MINDY2: variants seen among roughly 807,000 people sequenced by gnomAD.
The protein encoded by MINDY2 is ubiquitin carboxyl-terminal hydrolase MINDY-2.
MINDY2 carries 52 observed loss-of-function variants against 68.2 expected under a neutral mutation model. The ratio of observed to expected loss-of-function variants is 0.76; its 90% CI spans 0.61 to 0.96. The LOEUF is 0.96. Ranked by LOEUF, MINDY2 falls within the 40% of genes least tolerant of loss-of-function variation. MINDY2 has a pLI of 0.00. For missense variants in MINDY2, 881 were observed against 773.4 expected (o/e 1.14, Z -1.65); for synonymous variants, 372 against 303.0 (o/e 1.23, Z -2.36).
intron 2 of MINDY2, among the ~76,000 whole-genome samples, chr15:58,795,027 T>A (rs1411315440): frequency 2.0e-5 from 3 of 151,686 alleles, no homozygotes; most frequent in African/African-American, 7.3e-5. Context: ...TACAAAAAAA[T>A]TAGCCGGGCG....
chr15:58,775,895 C>A (rs1360419418), intron 1 of MINDY2, among the ~76,000 whole-genome samples: 1 of 147,140 alleles, frequency 6.8e-6, no homozygotes, highest in Non-Finnish European at 1.5e-5. Context: ...GAGTCTCACT[C>A]TGTCTTGCCC....
chr15:58,817,746 A>T (rs2030790874), intron 4 of MINDY2: 1 of 152,154 alleles, frequency 6.6e-6, no homozygotes, highest in Admixed American at 6.6e-5. Flanking sequence ...AAAAAATAAA[A>T]GTTTGACAAT....
chr15:58,859,245 T>C lies in MINDY2; in HGVS notation c.*4635T>C, dbSNP rs2033149161. The C allele has an allele frequency of 6.6e-6, 1 of 152,128 alleles. No individual in the cohort carries two copies. The highest frequency in any genetic ancestry group is 1.5e-5 in the Non-Finnish European group (1 of 67,962). The allele number at this position is 152,128 out of a possible 1,614,324, so 9.4% of individuals were successfully genotyped here. On this transcript the variant is annotated 3_prime_UTR_variant, in exon 9 of 9. Transcript: ENST00000559228. ...AAGCATTTAAAAATCTATTTTTTTC[T>C]AGTATCTTTCACAGATCTAAATATT...
At position 58,771,825 on chromosome 15, in the gene MINDY2, A is replaced by G. The variant is rs1429780260; in HGVS notation, c.430A>G (p.Thr144Ala). Reference protein sequence around the residue: ...DLAGTCQAELTAAGSEEPSSA... With the variant: ...DLAGTCQAELAAAGSEEPSSA... ...CGCCGGCACCTGCCAAGCAGAACTG[A>G]CCGCCGCCGGCTCCGAAGAGCCCAG... The change falls in exon 1 of 9, where the codon ACC becomes GCC. Residue 144 changes from threonine to alanine, a missense_variant. Transcript: ENST00000559228. 4.4e-6 allele frequency: 7 copies of G among 1,608,594 alleles called. No individual in the cohort carries two copies. Among genetic ancestry groups the G allele is most frequent in the Non-Finnish European group, 5.9e-6 (7 of 1,178,092 alleles).
intron 6 of MINDY2, among the ~76,000 whole-genome samples, chr15:58,835,152 T>A (rs544051859): frequency 6.6e-6 from 1 of 152,348 alleles, no homozygotes; most frequent in South Asian, 2.1e-4. Context: ...GGTTTTTGCC[T>A]ATTAAGGACC....
chr15:58,785,700 A>T (rs1375005495), intron 1 of MINDY2, among the ~76,000 whole-genome samples: 1 of 152,118 alleles, frequency 6.6e-6, no homozygotes, highest in Non-Finnish European at 1.5e-5. Context: ...TTTTTTAAAC[A>T]GAGTCTCACT....
At chr15:58,834,363 C>G (rs1242159243) in intron 6 of MINDY2, among the ~76,000 whole-genome samples, 1 of 152,052 alleles carries the variant, frequency 6.6e-6, no homozygotes. Flanking sequence ...CCAATTTTAC[C>G]CATCCTTTAA....
intron 6 of MINDY2, among the ~76,000 whole-genome samples, chr15:58,835,862 T>C (rs1024893233): frequency 4.6e-5 from 7 of 152,110 alleles, no homozygotes; most frequent in African/African-American, 1.7e-4. Context: ...AAAGGCCAAA[T>C]AGATAGCCAG....
chr15:58,794,168 TA>T (rs1902118539), intron 2 of MINDY2, among the ~76,000 whole-genome samples: 1 of 152,016 alleles, frequency 6.6e-6, no homozygotes, highest in South Asian at 2.1e-4. Flanking sequence ...AGAGTGATTA[TA>T]ATTATGGGCC....
intron 2 of MINDY2, among the ~76,000 whole-genome samples, chr15:58,799,065 G>T (rs949397317): frequency 6.6e-6 from 1 of 152,174 alleles, no homozygotes; most frequent in Non-Finnish European, 1.5e-5. Context: ...AGCTACTAGG[G>T]ACATGTAAAA....
At chr15:58,854,437 C>G (rs973931929) in intron 8 of MINDY2, 45 bp from the exon 9 acceptor site, 2 of 1,586,960 alleles carry the variant, frequency 1.3e-6, no homozygotes, top group African/African-American at 2.7e-5. Flanking sequence ...GAGTAAGTCC[C>G]TCAGAATAGT....
intron 7 of MINDY2, among the ~76,000 whole-genome samples, 161 bp downstream of exon 7, chr15:58,847,631 T>G (rs745772245): frequency 3.3e-5 from 5 of 152,342 alleles, no homozygotes; most frequent in Non-Finnish European, 7.4e-5. Flanking sequence ...ACATGTACAT[T>G]AATTATGTAC....
At chr15:58,800,003 TCTTA>T (rs1433062472) in intron 2 of MINDY2, among the ~76,000 whole-genome samples, 2 of 152,228 alleles carry the variant, frequency 1.3e-5, no homozygotes, top group African/African-American at 4.8e-5. Context: ...GGTGGCATTG[TCTTA>T]CTTTTAAAAA....
chr15:58,848,157 A>G (rs1007601364), intron 7 of MINDY2, among the ~76,000 whole-genome samples: 2 of 151,530 alleles, frequency 1.3e-5, no homozygotes, highest in African/African-American at 4.9e-5. Context: ...GTTTATTATT[A>G]GAAATATGAT....
At chr15:58,841,407 C>CTTT (rs143550992) in intron 6 of MINDY2, among the ~76,000 whole-genome samples, 1 of 136,772 alleles carries the variant, frequency 7.3e-6, no homozygotes, top group African/African-American at 2.7e-5. Flanking sequence ...CCTTTCTTTT[C>CTTT]TTTTTTTTTT....
chr15:58,812,426 C>T (rs539335388), intron 4 of MINDY2, among the ~76,000 whole-genome samples: 13 of 146,510 alleles, frequency 8.9e-5, no homozygotes, highest in African/African-American at 1.8e-4. Flanking sequence ...AACAGAGCAA[C>T]GGTCCGTCTC....
At chr15:58,780,970 G>A (rs1217424882) in intron 1 of MINDY2, among the ~76,000 whole-genome samples, 5 of 152,086 alleles carry the variant, frequency 3.3e-5, no homozygotes, top group African/African-American at 1.2e-4. Context: ...TTTGAGGGGG[G>A]AGATATTTCA....
rs186172724 is a variant in MINDY2, at chr15:58,855,258, A to G, written c.*648A>G. 126 of 152,754 alleles carry G rather than the reference A, an allele frequency of 8.2e-4. No homozygotes were observed. Among genetic ancestry groups the G allele is most frequent in the Non-Finnish European group, 2.8e-4 (19 of 68,048 alleles). 9.5% of individuals were successfully genotyped at this position (152,754 alleles called of 1,614,324 possible). A position where few individuals can be genotyped will look rare whatever the true frequency, so the allele number is the denominator to read the frequency against. The stretch of plus-strand genomic sequence containing the variant: ...AATAAAGATTTGTATTTCTTTTCCA[A>G]TAGCAAAAAGTTACATAACACTAAT... On this transcript the variant is annotated 3_prime_UTR_variant, in exon 9 of 9. Coordinates refer to ENST00000559228, the MANE Select transcript of MINDY2 (RefSeq NM_001040450.3).
At chr15:58,824,723 G>A (rs1228931559) in intron 5 of MINDY2, among the ~76,000 whole-genome samples, 1 of 147,498 alleles carries the variant, frequency 6.8e-6, no homozygotes, top group African/African-American at 2.5e-5. Flanking sequence ...AGGCTGGAGT[G>A]TAGTGGCACG....
Sources: allele counts gnomAD v4.1 joint callset (sites outside exome capture counted in the v4.1 genomes callset), GRCh38; gene constraint gnomAD v4.1.1; transcripts MANE v1.5; gene names NCBI Gene and HGNC (gene_info 2026-07-23, HGNC 2026-07-21).